Variants in ERC2 observed in about 807,000 individuals in gnomAD.
The protein encoded by ERC2 is ERC protein 2.
A neutral mutation model predicts 114.8 loss-of-function variants in ERC2; 42 were observed. The ratio of observed to expected loss-of-function variants is 0.37; its 90% CI spans 0.29 to 0.47. The LOEUF is 0.47. ERC2 is among the 20% of genes least tolerant of loss of function. The pLI, the probability that ERC2 is intolerant of heterozygous loss-of-function variation, is 0.99. For synonymous variants in ERC2, 454 were observed against 425.5 expected, an observed-to-expected ratio of 1.07 and a Z score of -0.82; for missense variants, 939 against 1,150.7, an observed-to-expected ratio of 0.82 and a Z score of 2.66.
intron 2 of ERC2, among the ~76,000 whole-genome samples, chr3:56,396,074 T>C (rs945017237): frequency 6.6e-6 from 1 of 152,216 alleles, no homozygotes; most frequent in African/African-American, 2.4e-5. Context: ...TTGTGGTTAA[T>C]GAGGGAATTC....
At chr3:56,115,151 C>T (rs2079157113) in intron 6 of ERC2, among the ~76,000 whole-genome samples, 1 of 152,166 alleles carries the variant, frequency 6.6e-6, no homozygotes, top group South Asian at 2.1e-4. Flanking sequence ...TCCAGTCTCC[C>T]CTTTGGCCAG....
intron 2 of ERC2, among the ~76,000 whole-genome samples, chr3:56,366,733 G>T (rs1269537024): frequency 2.0e-5 from 3 of 152,180 alleles, no homozygotes; most frequent in Non-Finnish European, 4.4e-5. Flanking sequence ...TCACAGGGTA[G>T]AACACAGGCA....
intron 17 of ERC2, among the ~76,000 whole-genome samples, chr3:55,648,139 T>A (rs980808335): frequency 6.6e-6 from 1 of 152,232 alleles, no homozygotes; most frequent in African/African-American, 2.4e-5. Context: ...CCCTCACTCG[T>A]TCCTTCATTC....
chr3:55,695,403 C>A (rs1286519354), intron 16 of ERC2, among the ~76,000 whole-genome samples: 4 of 152,158 alleles, frequency 2.6e-5, no homozygotes, highest in Admixed American at 2.0e-4. Flanking sequence ...GGGGTCACAG[C>A]CCACCAGCTA....
intron 14 of ERC2, among the ~76,000 whole-genome samples, chr3:55,758,109 G>A (rs2067176990): frequency 6.6e-6 from 1 of 152,094 alleles, no homozygotes; most frequent in African/African-American, 2.4e-5. Flanking sequence ...TTTGTGAATT[G>A]TGCCAGGTGA....
intron 16 of ERC2, among the ~76,000 whole-genome samples, chr3:55,695,092 A>T (rs1340728260): frequency 2.0e-5 from 3 of 152,254 alleles, no homozygotes; most frequent in Middle Eastern, 3.2e-3. Flanking sequence ...TGCTATTTAA[A>T]GAAAATGACA....
intron 13 of ERC2, among the ~76,000 whole-genome samples, chr3:55,934,367 A>G (rs2066309171): frequency 6.6e-6 from 1 of 152,228 alleles, no homozygotes. Context: ...GACAACAGTA[A>G]TTGTGACTGT....
intron 6 of ERC2, among the ~76,000 whole-genome samples, chr3:56,123,947 T>C (rs893497746): frequency 6.6e-6 from 1 of 152,242 alleles, no homozygotes; most frequent in Admixed American, 6.5e-5. Flanking sequence ...TACCCAGGGC[T>C]TTCTCAGCCA....
intron 2 of ERC2, among the ~76,000 whole-genome samples, chr3:56,416,787 G>A (rs368532705): frequency 2.0e-5 from 3 of 152,108 alleles, no homozygotes; most frequent in African/African-American, 7.2e-5. Context: ...CATACAGGCA[G>A]GAAGTTTTTT....
intron 6 of ERC2, among the ~76,000 whole-genome samples, chr3:56,082,867 C>G (rs574444707): frequency 7.9e-5 from 12 of 152,200 alleles, no homozygotes; most frequent in African/African-American, 2.6e-4. Flanking sequence ...TTCATAGAAT[C>G]TAATGAACCT....
chr3:56,178,568 T>A (rs1238894359), intron 3 of ERC2, among the ~76,000 whole-genome samples: 2 of 152,146 alleles, frequency 1.3e-5, no homozygotes, highest in African/African-American at 4.8e-5. Flanking sequence ...ATTGCCACTA[T>A]TATGGACCAA....
chr3:55,827,317 G>C (rs546239726), intron 14 of ERC2, among the ~76,000 whole-genome samples: 1 of 148,770 alleles, frequency 6.7e-6, no homozygotes, highest in South Asian at 2.2e-4. Flanking sequence ...AAGAAAGAAA[G>C]AAGAAAGAGA....
At chr3:56,261,443 T>C (rs996392183) in intron 3 of ERC2, among the ~76,000 whole-genome samples, 1 of 152,112 alleles carries the variant, frequency 6.6e-6, no homozygotes, top group Admixed American at 6.5e-5. Context: ...AGGGGAAGCC[T>C]CCCCTACCTT....
intron 14 of ERC2, among the ~76,000 whole-genome samples, chr3:55,752,468 G>A (rs916458020): frequency 5.9e-5 from 9 of 152,134 alleles, no homozygotes; most frequent in Non-Finnish European, 8.8e-5. Context: ...GTTTACCAGC[G>A]CTCTATTGGC....
At chr3:55,651,319 A>C (rs1032245018) in intron 17 of ERC2, among the ~76,000 whole-genome samples, 1 of 152,064 alleles carries the variant, frequency 6.6e-6, no homozygotes, top group Non-Finnish European at 1.5e-5. Flanking sequence ...TCTAGAACCA[A>C]ACTCTCTCTG....
intron 7 of ERC2, among the ~76,000 whole-genome samples, chr3:56,038,300 G>A (rs2074931550): frequency 6.6e-6 from 1 of 152,084 alleles, no homozygotes; most frequent in Non-Finnish European, 1.5e-5. Flanking sequence ...CTCAAAAGAA[G>A]ACACACATGT....
chr3:55,929,499 C>A (rs923360871), intron 13 of ERC2, among the ~76,000 whole-genome samples: 15 of 152,182 alleles, frequency 9.9e-5, no homozygotes, highest in African/African-American at 3.6e-4. Context: ...CATTCCTGTT[C>A]TTCCAATGGG....
At chr3:55,918,584 G>A (rs1333036609) in intron 13 of ERC2, among the ~76,000 whole-genome samples, 3 of 151,892 alleles carry the variant, frequency 2.0e-5, no homozygotes, top group African/African-American at 7.3e-5. Context: ...AGAATGTGGT[G>A]GAAATGATGC....
intron 2 of ERC2, among the ~76,000 whole-genome samples, chr3:56,324,632 C>T (rs1464479909): frequency 6.6e-6 from 1 of 152,134 alleles, no homozygotes; most frequent in Non-Finnish European, 1.5e-5. Context: ...TCAAAACGGG[C>T]ATCTGTCTGC....
Sources: gnomAD v4.1 joint callset for allele counts (sites outside exome capture counted in the v4.1 genomes callset) on GRCh38, gnomAD v4.1.1 for gene constraint, MANE v1.5 for transcripts, NCBI Gene and HGNC (gene_info 2026-07-23, HGNC 2026-07-21) for gene names.